TRPM4: variants seen among roughly 807,000 people sequenced by gnomAD.
TRPM4 encodes calcium-activated non-selective cation channel 1.
In TRPM4, 124 loss-of-function variants were observed where a neutral mutation model predicts 135.6. The ratio of observed to expected loss-of-function variants is 0.91; its 90% CI spans 0.79 to 1.06. TRPM4 has a LOEUF of 1.06. TRPM4 is among the 50% of genes least tolerant of loss of function. The pLI, the probability that TRPM4 is intolerant of heterozygous loss-of-function variation, is 0.00. For missense variants in TRPM4, 1,658 were observed against 1,671.4 expected (o/e 0.99, Z 0.14); for synonymous variants, 745 against 705.6 (o/e 1.06, Z -0.88).
Position 49,211,527 on chromosome 19 carries a change from C to T in TRPM4, c.*29C>T, listed in dbSNP as rs1195106288. The T allele has an allele frequency of 6.2e-7, 1 of 1,613,974 alleles. No individual in the cohort carries two copies. Among genetic ancestry groups the T allele is most frequent in the Non-Finnish European group, 8.5e-7 (1 of 1,180,016 alleles). ...CTGCTGGCGGACTTCAAGGAGAAGC[C>T]CCCACAGGGGATTTTGCTCCTAGAG... On this transcript the variant is annotated 3_prime_UTR_variant, in exon 25 of 25. Coordinates refer to ENST00000252826, the MANE Select transcript of TRPM4 (RefSeq NM_017636.4). This position sits in a 1 kb window ranked among gnomAD's most constrained non-coding sequence, Gnocchi z 4.8.
rs1968667350 is a variant in TRPM4, at chr19:49,196,783, C to G, written c.2554C>G (p.Leu852Val). 6.4e-7 allele frequency: 1 copy of G among 1,572,890 alleles called. No individual in the cohort carries two copies. Among genetic ancestry groups the G allele is most frequent in the Non-Finnish European group, 8.6e-7 (1 of 1,167,258 alleles). Residue 852 changes from leucine (L) to valine (V), a missense_variant, in exon 17 of 25, where the codon CTG becomes GTG. Physicochemically the swap from Leu to Val is conservative, Grantham distance 32. Coordinates refer to ENST00000252826, the MANE Select transcript of TRPM4 (RefSeq NM_017636.4). The part of the protein sequence containing the change: ...SGGPGPGHAS[L>V]SQRLRLYLAD... ...GGGCCCCGGGCCTGGCCATGCCTCA[C>G]TGAGCCAGCGCCTGCGCCTCTACCT...
At chr19:49,201,187 AAC>A (rs1407997200) in intron 19 of TRPM4, among the ~76,000 whole-genome samples, 32 of 152,198 alleles carry the variant, frequency 2.1e-4, no homozygotes, top group African/African-American at 7.2e-4. Flanking sequence ...GGTCATTTAT[AAC>A]CTGACGCGTC....
intron 16 of TRPM4, among the ~76,000 whole-genome samples, chr19:49,193,001 G>A (rs1197604225): frequency 2.6e-5 from 4 of 151,666 alleles, no homozygotes; most frequent in Admixed American, 2.6e-4. Flanking sequence ...TGATGATGAT[G>A]ACGACCTTGA....
intron 15 of TRPM4, 65 bp from the exon 16 acceptor site, chr19:49,190,631 G>C: frequency 1.3e-6 from 2 of 1,532,500 alleles, no homozygotes; most frequent in Non-Finnish European, 1.8e-6. Context: ...TTTGAGTTTT[G>C]CTGGAGAATG....
chr19:49,201,505 A>C (rs1313497953), intron 19 of TRPM4, among the ~76,000 whole-genome samples: 1 of 152,248 alleles, frequency 6.6e-6, no homozygotes, highest in Non-Finnish European at 1.5e-5. Context: ...TAGATATTTA[A>C]GAATGTTAGC....
Position 49,210,703 on chromosome 19 carries a change from C to T in TRPM4, c.3329-7C>T, listed in dbSNP as rs1337512635. 2 of 1,614,092 alleles carry T rather than the reference C, an allele frequency of 1.2e-6. No homozygotes were observed. The highest frequency in any genetic ancestry group is 2.2e-5 in the South Asian group (2 of 91,036). On this transcript the variant is annotated splice_polypyrimidine_tract_variant and splice_region_variant and intron_variant, in intron 21 of 24. Transcript: ENST00000252826. The surrounding 1 kb of genome is among the most constrained non-coding windows in gnomAD (Gnocchi z 4.1). Reference sequence around the variant, plus strand: ...CCTGAGCCCTTTGACTCCGCCCGCCCCTGCAGGGGTTTACCTTTCTAAGGA... The same window carrying T: ...CCTGAGCCCTTTGACTCCGCCCGCCTCTGCAGGGGTTTACCTTTCTAAGGA...
Position 49,168,622 on chromosome 19 carries a change from A to G in TRPM4, c.682A>G (p.Asn228Asp). Reference protein sequence around the residue: ...EDGVQFPLDYNYSAFFLVDDG... With the variant: ...EDGVQFPLDYDYSAFFLVDDG... ...CGGGGTCCAGTTTCCCCTGGACTAC[A>G]ACTACTCGGCCTTCTTCCTGGTGGA... The change falls in exon 6 of 25, where the codon AAC becomes GAC. Residue 228 changes from asparagine to aspartate, a missense_variant. Asn to Asp is a conservative substitution (Grantham distance 23). Transcript: ENST00000252826. The G allele has an allele frequency of 3.7e-6, 6 of 1,613,620 alleles. No individual in the cohort carries two copies. The highest frequency in any genetic ancestry group is 5.1e-6 in the Non-Finnish European group (6 of 1,179,954).
chr19:49,168,350 G>C lies in TRPM4; in HGVS notation c.539G>C (p.Gly180Ala), dbSNP rs944752792. The change falls in exon 5 of 25, where the codon GGC (glycine) becomes GCC (alanine). Residue 180 changes from glycine (G) to alanine (A), a missense_variant. Physicochemically the swap from Gly to Ala is moderately conservative, Grantham distance 60. This residue lies in a region of TRPM4 where 7 missense variants were observed against 22.6 expected (regional missense o/e 0.31). Transcript: ENST00000252826. ...VRDHQMASTG[G>A]TKVVAMGVAP... is the part of the protein sequence containing the mutation. The stretch of plus-strand genomic sequence containing the variant: ...GACCATCAGATGGCCAGCACTGGGG[G>C]CACCAAGGTGGTGGCCATGGGTGTG... 1 of 1,614,002 alleles carries C rather than the reference G, an allele frequency of 6.2e-7. No homozygotes were observed. Among genetic ancestry groups the C allele is most frequent in the Non-Finnish European group, 8.5e-7 (1 of 1,180,024 alleles).
At chr19:49,192,651 A>G (rs905244098) in intron 16 of TRPM4, among the ~76,000 whole-genome samples, 1 of 152,126 alleles carries the variant, frequency 6.6e-6, no homozygotes, top group Non-Finnish European at 1.5e-5. Context: ...ACACAGAGTG[A>G]AACAACACAC....
intron 14 of TRPM4, 47 bp from the exon 15 acceptor site, chr19:49,190,161 G>A (rs780438750): frequency 5.2e-6 from 8 of 1,533,798 alleles, no homozygotes; most frequent in Middle Eastern, 1.7e-4. Flanking sequence ...TCTTAGGGAC[G>A]GGGCTGTGGG....
chr19:49,166,492 C>G (rs1967186410), intron 3 of TRPM4, among the ~76,000 whole-genome samples: 1 of 87,590 alleles, frequency 1.1e-5, no homozygotes, highest in Non-Finnish European at 2.5e-5. Context: ...CTCTGGGTCT[C>G]TGTCCCCCTC....
chr19:49,188,570 C>T (rs1025883308), intron 12 of TRPM4, 71 bp from the exon 13 acceptor site: 20 of 1,609,962 alleles, frequency 1.2e-5, no homozygotes, highest in Non-Finnish European at 1.4e-5. Flanking sequence ...TCTGTTCCTT[C>T]CCTTGACTTC....
At chr19:49,174,313 C>T (rs766981004) in intron 9 of TRPM4, among the ~76,000 whole-genome samples, 4 of 152,066 alleles carry the variant, frequency 2.6e-5, no homozygotes, top group Non-Finnish European at 4.4e-5. Flanking sequence ...CCATCATGCC[C>T]GGCTGATTTT....
intron 16 of TRPM4, among the ~76,000 whole-genome samples, chr19:49,191,569 G>A (rs1968415451): frequency 2.0e-5 from 3 of 151,952 alleles, no homozygotes; most frequent in Admixed American, 2.0e-4. Context: ...AGGCTGGAGT[G>A]CAGTGGTGTG....
chr19:49,198,668 A>G (rs1355402643), intron 17 of TRPM4, among the ~76,000 whole-genome samples: 4 of 144,390 alleles, frequency 2.8e-5, no homozygotes, highest in South Asian at 4.5e-4. Context: ...AAAAAAAAAA[A>G]GGGAGAAATG....
At chr19:49,204,596 A>G (rs1163958539) in intron 20 of TRPM4, among the ~76,000 whole-genome samples, 2 of 151,678 alleles carry the variant, frequency 1.3e-5, no homozygotes, top group Non-Finnish European at 2.9e-5. Flanking sequence ...ATGAGATACC[A>G]CTTCACACCT....
At chr19:49,166,262 T>C (rs879534100) in intron 3 of TRPM4, 47 bp downstream of exon 3, 3 of 1,538,914 alleles carry the variant, frequency 1.9e-6, no homozygotes, top group Non-Finnish European at 2.6e-6. Context: ...GGGGGCTGCA[T>C]GCTCGGGGCT....
chr19:49,181,734 A>C (rs562016195), intron 10 of TRPM4, among the ~76,000 whole-genome samples: 1 of 151,576 alleles, frequency 6.6e-6, no homozygotes, highest in Non-Finnish European at 1.5e-5. Context: ...GGGTTTCACT[A>C]TGTTAGCCAG....
At chr19:49,160,541 A>G (rs1171644407) in intron 2 of TRPM4, among the ~76,000 whole-genome samples, 1 of 152,134 alleles carries the variant, frequency 6.6e-6, no homozygotes, top group East Asian at 1.9e-4. Context: ...AGCATGTGCA[A>G]AGTCCTTGCT....
Sources: gnomAD v4.1 joint callset for allele counts (sites outside exome capture counted in the v4.1 genomes callset) on GRCh38, gnomAD v4.1.1 for gene constraint, gnomAD v4.1.1 regional missense constraint, Gnocchi (gnomAD v3.1) non-coding constraint, MANE v1.5 for transcripts, NCBI Gene and HGNC (gene_info 2026-07-23, HGNC 2026-07-21) for gene names.